SDK1: variants seen among roughly 807,000 people sequenced by gnomAD.
SDK1 encodes the protein protein sidekick-1.
A neutral mutation model predicts 245.5 loss-of-function variants in SDK1; 157 were observed. The observed-to-expected ratio is 0.64, with a 90% CI of 0.56 to 0.73. The LOEUF is 0.73. Among genes scored for constraint, SDK1 ranks in the 30% least tolerant of loss-of-function variants. SDK1 has a pLI of 0.00. For synonymous variants in SDK1, 1,647 were observed against 1,278.5 expected, an observed-to-expected ratio of 1.29 and a Z score of -6.15; for missense variants, 3,583 against 3,002.3, an observed-to-expected ratio of 1.19 and a Z score of -4.52.
chr7:3,580,968 CAAAAAAAAAAA>C lies in SDK1; in HGVS notation c.299-38096_299-38086del, dbSNP rs60617574. On this transcript the variant is annotated intron_variant, in intron 1 of 44. Transcript: ENST00000404826. ...TAGGTTATAGGGCAAGACTCCATCT[CAAAAAAAAAAA>C]AAAAAAAAAAAAAAACCAAAACAAA... Among the ~76,000 whole-genome samples the C allele has an allele frequency of 3.4e-3, 84 of 24,896 alleles. 1 individual carries two copies. Among genetic ancestry groups the C allele is most frequent in the African/African-American group, 8.3e-3 (78 of 9,344 alleles). The allele number at this position is 24,896 out of a possible 152,430, so 16.3% of individuals were successfully genotyped here. A position where few individuals can be genotyped will look rare whatever the true frequency, so the allele number is the denominator to read the frequency against.
intron 15 of SDK1, among the ~76,000 whole-genome samples, chr7:4,011,636 C>G (rs1215812248): frequency 6.6e-6 from 1 of 152,244 alleles, no homozygotes; most frequent in African/African-American, 2.4e-5. Flanking sequence ...TTCAGCACAC[C>G]TTCCCCAACC....
At chr7:4,220,730 C>T (rs1287600883) in intron 39 of SDK1, among the ~76,000 whole-genome samples, 2 of 152,020 alleles carry the variant, frequency 1.3e-5, no homozygotes, top group East Asian at 1.9e-4. Flanking sequence ...GTGTGGGGTG[C>T]CCTGCACCTG....
intron 5 of SDK1, among the ~76,000 whole-genome samples, chr7:3,844,124 C>A (rs1780221810): frequency 6.6e-6 from 1 of 152,120 alleles, no homozygotes; most frequent in Admixed American, 6.6e-5. Context: ...GTGCTCACCA[C>A]CATGCCCAGC....
At chr7:3,786,409 C>G (rs186108379) in intron 4 of SDK1, among the ~76,000 whole-genome samples, 1 of 152,168 alleles carries the variant, frequency 6.6e-6, no homozygotes, top group African/African-American at 2.4e-5. Flanking sequence ...TCTCCTCTTT[C>G]TCACTTAAAA....
chr7:4,059,689 G>A (rs912534546), intron 19 of SDK1, among the ~76,000 whole-genome samples: 1 of 152,058 alleles, frequency 6.6e-6, no homozygotes, highest in African/African-American at 2.4e-5. Flanking sequence ...CCCTATGTTA[G>A]GACACAAAGC....
intron 4 of SDK1, among the ~76,000 whole-genome samples, chr7:3,743,946 G>A (rs1053605381): frequency 2.6e-5 from 4 of 152,162 alleles, no homozygotes; most frequent in African/African-American, 7.2e-5. Flanking sequence ...AGAATTTCCT[G>A]TGGCGTTATT....
intron 4 of SDK1, among the ~76,000 whole-genome samples, chr7:3,730,733 A>G (rs1164440433): frequency 6.6e-6 from 1 of 152,152 alleles, no homozygotes; most frequent in Admixed American, 6.5e-5. Flanking sequence ...TCAAGAGTAA[A>G]TGGATCAACA....
At chr7:4,004,145 T>G (rs1785281706) in intron 14 of SDK1, among the ~76,000 whole-genome samples, 1 of 152,232 alleles carries the variant, frequency 6.6e-6, no homozygotes, top group Non-Finnish European at 1.5e-5. Flanking sequence ...GAGTGGGTGC[T>G]TTTGTTCCAC....
chr7:3,629,267 C>T (rs1182409431), intron 2 of SDK1, among the ~76,000 whole-genome samples: 3 of 150,234 alleles, frequency 2.0e-5, no homozygotes, highest in African/African-American at 7.4e-5. Flanking sequence ...CGCCACTGCA[C>T]TCCAGCCTGG....
At chr7:3,759,737 G>A (rs1780039189) in intron 4 of SDK1, among the ~76,000 whole-genome samples, 2 of 151,838 alleles carry the variant, frequency 1.3e-5, no homozygotes, top group South Asian at 4.2e-4. Flanking sequence ...GACTACAGGG[G>A]CATGCCACCA....
At chr7:4,043,327 G>C (rs1234759287) in intron 17 of SDK1, among the ~76,000 whole-genome samples, 1 of 150,086 alleles carries the variant, frequency 6.7e-6, no homozygotes, top group East Asian at 2.0e-4. Flanking sequence ...CACAGCCGGG[G>C]GCCCAGGTAG....
chr7:3,483,153 A>T (rs983588784), intron 1 of SDK1, among the ~76,000 whole-genome samples: 6 of 152,174 alleles, frequency 3.9e-5, no homozygotes, highest in African/African-American at 1.2e-4. Flanking sequence ...TTGAATTTTG[A>T]TGAGGATAGG....
At chr7:3,440,867 T>C (rs1468458947) in intron 1 of SDK1, among the ~76,000 whole-genome samples, 2 of 152,184 alleles carry the variant, frequency 1.3e-5, no homozygotes, top group African/African-American at 2.4e-5. Context: ...GAGTGGAAGA[T>C]ACGAACCAAA....
chr7:3,501,563 C>T (rs531579436), intron 1 of SDK1, among the ~76,000 whole-genome samples: 1 of 152,208 alleles, frequency 6.6e-6, no homozygotes, highest in South Asian at 2.1e-4. Flanking sequence ...TTTAGTCATA[C>T]AACAGAATTC....
In SDK1 at chr7:3,969,319, G is replaced by C; in HGVS notation, c.1609G>C (p.Gly537Arg). The C allele has an allele frequency of 1.2e-6, 2 of 1,610,860 alleles. No homozygotes were observed. The highest frequency in any genetic ancestry group is 4.5e-5 in the East Asian group (2 of 44,790). Residue 537 changes from glycine (G) to arginine (R), a missense_variant, in exon 11 of 45, where the codon GGT (glycine) becomes CGT (arginine). Gly to Arg is a moderately radical substitution (Grantham distance 125). Coordinates refer to ENST00000404826, the MANE Select transcript of SDK1 (RefSeq NM_152744.4). The stretch of plus-strand genomic sequence containing the variant: ...TAGGTTCATGCTTCTTGAATCGGGG[G>C]GTCTACAGATCGCGCCCGTCTTCAT... ...IPRFMLLESG[G>R]LQIAPVFIQD...
chr7:3,615,473 T>G (rs762158362), intron 1 of SDK1, among the ~76,000 whole-genome samples: 1 of 151,752 alleles, frequency 6.6e-6, no homozygotes, highest in Non-Finnish European at 1.5e-5. Context: ...CTCCTGACTT[T>G]GAGTTACATG....
intron 5 of SDK1, among the ~76,000 whole-genome samples, chr7:3,862,417 T>C (rs926404271): frequency 6.6e-6 from 1 of 152,210 alleles, no homozygotes; most frequent in African/African-American, 2.4e-5. Context: ...CTTGTGGGAA[T>C]AGAATGATTT....
At position 4,260,099 on chromosome 7, in the gene SDK1, T is replaced by C. The variant is rs539938798; in HGVS notation, c.6382-5025T>C. Among the ~76,000 whole-genome samples, 6 of 152,194 alleles carry C rather than the reference T, an allele frequency of 3.9e-5. No individual in the cohort carries two copies. In the South Asian group the frequency reaches 1.2e-3, roughly 32 times the overall value. ...CTGGCTGCTCTGGGGTCTCTGTGTG[T>C]GTGGGAAGATGTGTTCATCGTCACC... On this transcript the variant is annotated intron_variant, in intron 44 of 44. Coordinates refer to ENST00000404826, the MANE Select transcript of SDK1 (RefSeq NM_152744.4).
At chr7:3,363,353 T>C (rs1583746747) in intron 1 of SDK1, among the ~76,000 whole-genome samples, 1 of 152,204 alleles carries the variant, frequency 6.6e-6, no homozygotes, top group East Asian at 1.9e-4. Context: ...CCACAGATTG[T>C]TTAACCATTC....
Sources: allele counts gnomAD v4.1 joint callset (sites outside exome capture counted in the v4.1 genomes callset), GRCh38; gene constraint gnomAD v4.1.1; transcripts MANE v1.5; gene names NCBI Gene and HGNC (gene_info 2026-07-23, HGNC 2026-07-21).